Variants in GRK5 observed in about 807,000 individuals in gnomAD.
The protein encoded by GRK5 is G protein-coupled receptor kinase 5.
In GRK5, 40 loss-of-function variants were observed where a neutral mutation model predicts 78.4. The ratio of observed to expected loss-of-function variants is 0.51; its 90% CI spans 0.40 to 0.66. The LOEUF (loss-of-function observed/expected upper bound fraction) is 0.66, where lower values mean the gene tolerates loss of function less well. Among genes scored for constraint, GRK5 ranks in the 30% least tolerant of loss-of-function variants. GRK5 has a pLI of 0.00. For missense variants in GRK5, 598 were observed against 759.9 expected, an observed-to-expected ratio of 0.79 and a Z score of 2.50; for synonymous variants, 289 against 296.8, an observed-to-expected ratio of 0.97 and a Z score of 0.27.
intron 3 of GRK5, among the ~76,000 whole-genome samples, chr10:119,387,967 A>G (rs1325749968): frequency 6.9e-6 from 1 of 145,978 alleles, no homozygotes; most frequent in Non-Finnish European, 1.5e-5. Flanking sequence ...TTTTTTTTCT[A>G]GGAGGTGGAA....
intron 1 of GRK5, among the ~76,000 whole-genome samples, chr10:119,251,643 G>C (rs1012881545): frequency 2.0e-5 from 3 of 152,028 alleles, no homozygotes; most frequent in African/African-American, 7.2e-5. Flanking sequence ...CTGGGGGAAA[G>C]AAAATAAAAC....
chr10:119,272,807 C>G (rs1255736791), intron 1 of GRK5, among the ~76,000 whole-genome samples: 1 of 152,076 alleles, frequency 6.6e-6, no homozygotes, highest in African/African-American at 2.4e-5. Flanking sequence ...GTCCTTAAGG[C>G]CTGACCTGTC....
chr10:119,313,284 ATGG>A (rs1438493441), intron 1 of GRK5, among the ~76,000 whole-genome samples: 1 of 120,644 alleles, frequency 8.3e-6, no homozygotes, highest in African/African-American at 3.3e-5. Flanking sequence ...GGTGATGGGG[ATGG>A]TGGTAATGGT....
intron 4 of GRK5, among the ~76,000 whole-genome samples, chr10:119,402,273 C>T (rs1480172466): frequency 1.3e-5 from 2 of 152,116 alleles, no homozygotes; most frequent in African/African-American, 4.8e-5. Flanking sequence ...GATTAGACAG[C>T]CGTGAGCGTG....
chr10:119,398,912 C>A (rs1019319464), intron 4 of GRK5, among the ~76,000 whole-genome samples: 1 of 152,248 alleles, frequency 6.6e-6, no homozygotes, highest in African/African-American at 2.4e-5. Context: ...CCTGACCTTG[C>A]TGTCTGGATA....
At chr10:119,247,643 CTTTG>C (rs373033217) in intron 1 of GRK5, among the ~76,000 whole-genome samples, 14 of 152,258 alleles carry the variant, frequency 9.2e-5, no homozygotes, top group East Asian at 3.9e-4. Flanking sequence ...TTTATGCCAC[CTTTG>C]TTTGTTTGTT....
At chr10:119,442,125 AC>A (rs1280745829) in intron 11 of GRK5, 37 bp downstream of exon 11, 10 of 1,550,548 alleles carry the variant, frequency 6.4e-6, no homozygotes, top group Non-Finnish European at 8.9e-6. Context: ...GCACCTTGAG[AC>A]CCACCACCTG....
intron 1 of GRK5, among the ~76,000 whole-genome samples, chr10:119,310,496 C>A (rs1208988818): frequency 6.6e-6 from 1 of 152,132 alleles, no homozygotes; most frequent in Non-Finnish European, 1.5e-5. Context: ...ACTGTGAAAA[C>A]CAGTGTGGGC....
At chr10:119,315,677 G>A (rs1850473517) in intron 1 of GRK5, among the ~76,000 whole-genome samples, 1 of 152,202 alleles carries the variant, frequency 6.6e-6, no homozygotes, top group Non-Finnish European at 1.5e-5. Flanking sequence ...GAAAAGAACT[G>A]GATGGAGTCT....
chr10:119,267,108 T>C lies in GRK5; in HGVS notation c.52+59139T>C, dbSNP rs901943132. Among the ~76,000 whole-genome samples, 2 of 152,004 alleles carry C rather than the reference T, an allele frequency of 1.3e-5. No individual in the cohort carries two copies. The highest frequency in any genetic ancestry group is 2.1e-4 in the South Asian group (1 of 4,824). On this transcript the variant is annotated intron_variant, in intron 1 of 15. Coordinates refer to ENST00000392870, the MANE Select transcript of GRK5 (RefSeq NM_005308.3). The surrounding 1 kb of genome is among the most constrained non-coding windows in gnomAD (Gnocchi z 4.1). ...AAATACAAAAATTAGCCAGGCATGG[T>C]GGCGGGCGCCTGTAATCTCAGCTAC...
chr10:119,406,561 C>T (rs922777375), intron 4 of GRK5: 12 of 779,932 alleles, frequency 1.5e-5, no homozygotes, highest in Admixed American at 6.2e-5. Context: ...TGAGATTGCC[C>T]GGCCCTCATT....
chr10:119,360,497 AGGGAGGAGCCTTGTGAGT>A (rs1275251280), intron 2 of GRK5, among the ~76,000 whole-genome samples: 4 of 120,570 alleles, frequency 3.3e-5, no homozygotes, highest in African/African-American at 6.8e-5. Flanking sequence ...CCTGTGCGAG[AGGGAGGAGCCTTGTGAGT>A]GGGAGGAGCC....
At chr10:119,228,224 A>G (rs983374971) in intron 1 of GRK5, among the ~76,000 whole-genome samples, 12 of 152,122 alleles carry the variant, frequency 7.9e-5, no homozygotes, top group African/African-American at 2.9e-4. Context: ...GTGCGCCTGA[A>G]GTCCCAGCTA....
intron 1 of GRK5, among the ~76,000 whole-genome samples, chr10:119,269,864 G>A (rs1297925566): frequency 6.7e-6 from 1 of 148,866 alleles, no homozygotes; most frequent in Non-Finnish European, 1.5e-5. Flanking sequence ...AAGTTGCTGA[G>A]TTGGCTCTCC....
Position 119,311,606 on chromosome 10 carries a change from C to CA in GRK5, c.53-14906dup, listed in dbSNP as rs59575298. ...GTTTGAGATCAGCCTGGCAACATGG[C>CA]AAAACCCCATCTCTACTAAAAATAC... is the stretch of plus-strand genomic sequence containing the variant. On this transcript the variant is annotated intron_variant, in intron 1 of 15. Transcript: ENST00000392870. Among the ~76,000 whole-genome samples, 302 of 152,068 alleles carry CA rather than the reference C, an allele frequency of 2.0e-3. 2 individuals are homozygous for CA. Among genetic ancestry groups the CA allele is most frequent in the African/African-American group, 6.8e-3 (284 of 41,502 alleles).
At chr10:119,334,259 A>G (rs551019488) in intron 2 of GRK5, among the ~76,000 whole-genome samples, 12 of 152,324 alleles carry the variant, frequency 7.9e-5, no homozygotes, top group African/African-American at 2.9e-4. Flanking sequence ...TGAGCTATGA[A>G]TGTGCTGCTG....
chr10:119,407,268 C>T (rs1852257950), intron 4 of GRK5, among the ~76,000 whole-genome samples: 1 of 152,122 alleles, frequency 6.6e-6, no homozygotes. Flanking sequence ...AAACTGAGGC[C>T]CCGAGAGGCC....
At chr10:119,295,189 CAAAAAAAAAAAAAA>C (rs35333246) in intron 1 of GRK5, among the ~76,000 whole-genome samples, 4 of 81,124 alleles carry the variant, frequency 4.9e-5, no homozygotes, top group African/African-American at 1.5e-4. Context: ...GACTCAGTCT[CAAAAAAAAAAAAAA>C]AAAAAAAAAA....
Position 119,409,226 on chromosome 10 carries a change from T to C in GRK5, c.339+12454T>C, listed in dbSNP as rs537483023. ...ATATTTCATGACTGTGTAATTGTCC[T>C]TCAAATAGACACACCCCACCCCTCA... is the stretch of plus-strand genomic sequence containing the variant. On this transcript the variant is annotated intron_variant, in intron 4 of 15. Transcript: ENST00000392870. Among the ~76,000 whole-genome samples, 9 of 152,342 alleles carry C rather than the reference T, an allele frequency of 5.9e-5. No individual in the cohort carries two copies. In the East Asian group the frequency reaches 1.5e-3, roughly 26 times the overall value.
Sources: allele counts gnomAD v4.1 joint callset (sites outside exome capture counted in the v4.1 genomes callset), GRCh38; gene constraint gnomAD v4.1.1; non-coding constraint Gnocchi (gnomAD v3.1); transcripts MANE v1.5; gene names NCBI Gene and HGNC (gene_info 2026-07-23, HGNC 2026-07-21).